Variants in PRKAG2 observed in about 807,000 individuals in gnomAD.
PRKAG2 encodes the protein 5'-AMP-activated protein kinase subunit gamma-2.
A neutral mutation model predicts 69.6 loss-of-function variants in PRKAG2; 26 were observed. The observed-to-expected ratio is 0.37, with a 90% confidence interval of 0.27 to 0.52. The LOEUF (loss-of-function observed/expected upper bound fraction) is 0.52. Among genes scored for constraint, PRKAG2 ranks in the 20% least tolerant of loss-of-function variants. The pLI is 0.90. For missense variants in PRKAG2, 557 were observed against 740.0 expected, an observed-to-expected ratio of 0.75 and a Z score of 2.87; for synonymous variants, 293 against 285.0, an observed-to-expected ratio of 1.03 and a Z score of -0.28.
At chr7:151,737,799 G>A (rs1374315711) in intron 3 of PRKAG2, among the ~76,000 whole-genome samples, 2 of 152,236 alleles carry the variant, frequency 1.3e-5, no homozygotes, top group Non-Finnish European at 2.9e-5. Context: ...CCACACTCGG[G>A]CAACAGGAAG....
chr7:151,833,940 C>T (rs542617752), intron 1 of PRKAG2, among the ~76,000 whole-genome samples: 1 of 152,336 alleles, frequency 6.6e-6, no homozygotes, highest in East Asian at 1.9e-4. Context: ...CCTCACCGTC[C>T]ATCTCTCCTT....
At chr7:151,558,239 C>G (rs1411878303) in intron 15 of PRKAG2, 1 of 985,324 alleles carries the variant, frequency 1.0e-6, no homozygotes, top group South Asian at 4.7e-5. Flanking sequence ...CTCTGGGGAA[C>G]GGTGGCCATT....
At chr7:151,855,520 A>C (rs2079744347) in intron 1 of PRKAG2, among the ~76,000 whole-genome samples, 1 of 113,872 alleles carries the variant, frequency 8.8e-6, no homozygotes, top group African/African-American at 3.5e-5. Context: ...ACCGCCCTCC[A>C]CACACCGCCC....
chr7:151,731,744 G>A (rs909833736), intron 3 of PRKAG2, among the ~76,000 whole-genome samples: 1 of 152,210 alleles, frequency 6.6e-6, no homozygotes, highest in African/African-American at 2.4e-5. Flanking sequence ...AACAGCCTAG[G>A]TGGGCTTCCT....
At chr7:151,862,752 C>T (rs1184425515) in intron 1 of PRKAG2, among the ~76,000 whole-genome samples, 10 of 152,250 alleles carry the variant, frequency 6.6e-5, no homozygotes, top group South Asian at 2.1e-4. Flanking sequence ...GATCCCCAGG[C>T]GCAGGGAGCA....
intron 4 of PRKAG2, among the ~76,000 whole-genome samples, chr7:151,673,315 G>GAGAAGAACC (rs758128172): frequency 5.9e-5 from 9 of 152,072 alleles, no homozygotes; most frequent in Non-Finnish European, 1.3e-4. Flanking sequence ...TTTCTAGAAG[G>GAGAAGAACC]TTCTCCCTTC....
In PRKAG2 at chr7:151,632,084, C is replaced by T. The variant is rs397517281; in HGVS notation, c.739G>A (p.Glu247Lys). The stretch of plus-strand genomic sequence containing the variant: ...GCGCACTCACCTTCGTCCTCGAACT[C>T]CAGCTTCTCCAGCATGCCGGCTTCC... ...PAEAGMLEKL[E>K]FEDEAVEDSE... The change falls in exon 5 of 16, where the codon GAG (glutamate) becomes AAG (lysine). Residue 247 changes from glutamate (E) to lysine (K), a missense_variant. By Grantham distance (56) the Glu-to-Lys change is moderately conservative. Around this residue, in one of 2 missense-constraint regions of PRKAG2, gnomAD observed 352 missense variants for 356.7 expected, o/e 0.99. Coordinates refer to ENST00000287878, the MANE Select transcript of PRKAG2 (RefSeq NM_016203.4). This position sits in a 1 kb window ranked among gnomAD's most constrained non-coding sequence, Gnocchi z 4.2. The T allele has an allele frequency of 7.1e-7, 1 of 1,414,512 alleles. No homozygotes were observed. Among genetic ancestry groups the T allele is most frequent in the African/African-American group, 1.5e-5 (1 of 67,464 alleles). 87.6% of individuals were successfully genotyped at this position (1,414,512 alleles called of 1,614,324 possible). A position where few individuals can be genotyped will look rare whatever the true frequency, so the allele number is the denominator to read the frequency against.
intron 8 of PRKAG2, among the ~76,000 whole-genome samples, chr7:151,574,084 A>G (rs558865861): frequency 6.6e-6 from 1 of 152,330 alleles, no homozygotes; most frequent in African/African-American, 2.4e-5. Context: ...CGGCAAGAGC[A>G]TGTTTTATGA....
At chr7:151,875,166 G>A in intron 1 of PRKAG2, among the ~76,000 whole-genome samples, 1 of 152,176 alleles carries the variant, frequency 6.6e-6, no homozygotes. Context: ...AGTCACCACC[G>A]TGGGGGCCAC....
At chr7:151,831,687 C>T (rs868679183) in intron 1 of PRKAG2, among the ~76,000 whole-genome samples, 1 of 152,178 alleles carries the variant, frequency 6.6e-6, no homozygotes, top group Non-Finnish European at 1.5e-5. Flanking sequence ...TGTTCCCCCC[C>T]TTGCACGCCC....
intron 3 of PRKAG2, among the ~76,000 whole-genome samples, chr7:151,759,477 G>A (rs968748905): frequency 8.5e-5 from 13 of 152,228 alleles, no homozygotes; most frequent in African/African-American, 2.9e-4. Context: ...CAAGGGCCCA[G>A]CACTTAGCAG....
chr7:151,607,378 C>T (rs984221278), intron 5 of PRKAG2, among the ~76,000 whole-genome samples: 2 of 152,124 alleles, frequency 1.3e-5, no homozygotes, highest in Non-Finnish European at 2.9e-5. Context: ...AACTCTCAGG[C>T]TCAAGCAATC....
Position 151,564,195 on chromosome 7 carries a change from G to A in PRKAG2, c.1467C>T (p.Asn489=). The change falls in exon 14 of 16, where the codon AAC becomes AAT. Residue 489 remains asparagine (N), a synonymous_variant. Transcript: ENST00000287878. ...GGGCCTGGGTCACCGTGATATCTAG[G>A]TTATTGTATGTTTTCTCAGCAGCAA... ...INLAAEKTYN[N]LDITVTQALQ... The A allele has an allele frequency of 6.2e-7, 1 of 1,614,124 alleles. No individual in the cohort carries two copies. The highest frequency in any genetic ancestry group is 8.5e-7 in the Non-Finnish European group (1 of 1,179,998).
chr7:151,767,819 C>T (rs2075817612), intron 3 of PRKAG2, among the ~76,000 whole-genome samples: 1 of 152,164 alleles, frequency 6.6e-6, no homozygotes, highest in Admixed American at 6.5e-5. Flanking sequence ...TAGACCTGCT[C>T]AAAGGAAGAA....
chr7:151,591,980 A>G (rs1277418673), intron 6 of PRKAG2, among the ~76,000 whole-genome samples: 1 of 152,116 alleles, frequency 6.6e-6, no homozygotes, highest in Non-Finnish European at 1.5e-5. Flanking sequence ...CATCACGAAC[A>G]GGGAACTACT....
At position 151,570,184 on chromosome 7, in the gene PRKAG2, A is replaced by T. The variant is rs1421384361; in HGVS notation, c.1093T>A (p.Ser365Thr). 1 of 1,601,310 alleles carries T rather than the reference A, an allele frequency of 6.2e-7. No homozygotes were observed. The highest frequency in any genetic ancestry group is 8.5e-7 in the Non-Finnish European group (1 of 1,171,964). Residue 365 changes from serine to threonine, a missense_variant, in exon 10 of 16, where the codon TCT becomes ACT. This residue lies in a region of PRKAG2 where 205 missense variants were observed against 383.4 expected (regional missense o/e 0.53). Coordinates refer to ENST00000287878, the MANE Select transcript of PRKAG2 (RefSeq NM_016203.4). ...QETFKPLVNI[S>T]PDASLFDAVY... is the part of the protein sequence containing the mutation. ...AAACAAGTTTACCTTGCATCTGGAG[A>T]TATATTCACTAAAGGCTTAAATGTT...
intron 3 of PRKAG2, among the ~76,000 whole-genome samples, chr7:151,684,119 C>A (rs553153754): frequency 6.6e-6 from 1 of 152,324 alleles, no homozygotes; most frequent in Non-Finnish European, 1.5e-5. Flanking sequence ...CAGGCAACTG[C>A]AGGAGGCTGG....
At chr7:151,667,193 C>A (rs1831183497) in intron 4 of PRKAG2, among the ~76,000 whole-genome samples, 1 of 152,208 alleles carries the variant, frequency 6.6e-6, no homozygotes, top group Non-Finnish European at 1.5e-5. Flanking sequence ...GTTGAGACTG[C>A]ATTGCATCAC....
intron 14 of PRKAG2, among the ~76,000 whole-genome samples, chr7:151,561,698 C>T (rs111359295): frequency 0.015 from 2,238 of 148,258 alleles, 43 homozygotes; most frequent in African/African-American, 0.053. Flanking sequence ...TTTGGGAGGC[C>T]GAGGCGGGCG....
Sources: gnomAD v4.1 joint callset for allele counts (sites outside exome capture counted in the v4.1 genomes callset) on GRCh38, gnomAD v4.1.1 for gene constraint, gnomAD v4.1.1 regional missense constraint, Gnocchi (gnomAD v3.1) non-coding constraint, MANE v1.5 for transcripts, NCBI Gene and HGNC (gene_info 2026-07-23, HGNC 2026-07-21) for gene names.